Variants in MYO1C observed in about 807,000 individuals in gnomAD.
The protein encoded by MYO1C is myosin IC.
A neutral mutation model predicts 150.8 loss-of-function variants in MYO1C; 104 were observed. That is an observed-to-expected ratio of 0.69 (90% CI 0.59 to 0.81). The LOEUF (loss-of-function observed/expected upper bound fraction) is 0.81, where lower values mean the gene tolerates loss of function less well. Ranked by LOEUF, MYO1C falls within the 30% of genes least tolerant of loss-of-function variation. The probability of loss-of-function intolerance (pLI) is 0.00; values close to 1 mark genes in which losing one functional copy is unlikely to be tolerated. For missense variants in MYO1C, 1,504 were observed against 1,435.0 expected (o/e 1.05, Z -0.78); for synonymous variants, 663 against 579.9 (o/e 1.14, Z -2.06).
At chr17:1,473,328 G>A (rs943018240) in intron 17 of MYO1C, among the ~76,000 whole-genome samples, 2 of 152,160 alleles carry the variant, frequency 1.3e-5, no homozygotes. Flanking sequence ...GGGATCTAGG[G>A]TGCCCTGGGG....
intron 1 of MYO1C, among the ~76,000 whole-genome samples, chr17:1,488,534 C>G (rs180850911): frequency 9.1e-4 from 138 of 152,360 alleles, no homozygotes; most frequent in Admixed American, 8.6e-3. Context: ...CGTATCATCA[C>G]TCCAATGCAG....
chr17:1,486,395 C>T (rs1182703130), intron 1 of MYO1C, among the ~76,000 whole-genome samples: 1 of 152,176 alleles, frequency 6.6e-6, no homozygotes, highest in South Asian at 2.1e-4. Context: ...CTCTGGAGGG[C>T]TCAGTTCCCC....
chr17:1,486,623 T>C (rs1186347135), intron 1 of MYO1C, among the ~76,000 whole-genome samples: 2 of 152,054 alleles, frequency 1.3e-5, no homozygotes, highest in Non-Finnish European at 2.9e-5. Context: ...TCTAGCGATT[T>C]TCCTGTCTCA....
chr17:1,467,720 T>C (rs1351620403), intron 29 of MYO1C, 120 bp downstream of exon 29: 60 of 414,184 alleles, frequency 1.4e-4, no homozygotes, highest in South Asian at 6.5e-4. Flanking sequence ...CCCCCCAATC[T>C]ACCCCCATCC....
chr17:1,475,617 G>A (rs1373914587), intron 14 of MYO1C, among the ~76,000 whole-genome samples: 1 of 152,246 alleles, frequency 6.6e-6, no homozygotes, highest in Non-Finnish European at 1.5e-5. Context: ...CAGAAGGGGT[G>A]GTGAGCTGCG....
At chr17:1,474,779 A>AC in intron 16 of MYO1C, 33 bp downstream of exon 16, 4 of 969,136 alleles carry the variant, frequency 4.1e-6, no homozygotes, top group Admixed American at 1.9e-5. Flanking sequence ...GGCTATCCCC[A>AC]CCCCCACCCC....
At chr17:1,484,087 C>T (rs1389608170) in intron 2 of MYO1C, 61 bp downstream of exon 2, 6 of 1,599,026 alleles carry the variant, frequency 3.8e-6, no homozygotes, top group Admixed American at 1.7e-5. Flanking sequence ...TGTCTCTTTC[C>T]CCTCCGCTTG....
Position 1,482,930 on chromosome 17 carries a change from C to G in MYO1C, c.477G>C (p.Glu159Asp), listed in dbSNP as rs1331056441. The change falls in exon 4 of 32, where the codon GAG (glutamate) becomes GAC (aspartate). Residue 159 changes from glutamate (E) to aspartate (D), a missense_variant. Glu to Asp is a conservative substitution (Grantham distance 45, BLOSUM62 2). Transcript: ENST00000648651. ...ATKRLLQFYA[E>D]TCPAPERGGA... ...CTCCGCGCTCGGGGGCTGGGCAGGT[C>G]TCTGCATAGAACTGCAGCAGCCTCT... The G allele has an allele frequency of 6.3e-7, 1 of 1,583,634 alleles. No individual in the cohort carries two copies. Among genetic ancestry groups the G allele is most frequent in the Admixed American group, 1.7e-5 (1 of 58,340 alleles).
Position 1,485,357 on chromosome 17 carries a change from T to TGGCCGGGGGCGTCACTCAGGGCCC in MYO1C, c.76-1055_76-1054insGGGCCCTGAGTGACGCCCCCGGCC, listed in dbSNP as rs1555523262. 1.3e-3 allele frequency: 1,380 copies of TGGCCGGGGGCGTCACTCAGGGCCC among 1,076,094 alleles called. 6 individuals carry two copies. The highest frequency in any genetic ancestry group is 6.8e-3 in the South Asian group (256 of 37,782). 66.7% of individuals were successfully genotyped at this position (1,076,094 alleles called of 1,614,324 possible). On this transcript the variant is annotated intron_variant, in intron 1 of 31. Coordinates refer to ENST00000648651, the MANE Select transcript of MYO1C (RefSeq NM_001080779.2). ...TCTGACCACGAAAGGCCCAGATTTC[T>TGGCCGGGGGCGTCACTCAGGGCCC]GGCCGGGGGCCTGCCCCTCCCAGGC...
intron 14 of MYO1C, among the ~76,000 whole-genome samples, chr17:1,476,875 G>C (rs2074412077): frequency 6.6e-6 from 1 of 151,548 alleles, no homozygotes; most frequent in Admixed American, 6.6e-5. Context: ...GTCTCACTCT[G>C]TCGCTCAGGC....
chr17:1,472,674 C>G (rs541563969), intron 17 of MYO1C, among the ~76,000 whole-genome samples: 1 of 152,142 alleles, frequency 6.6e-6, no homozygotes, highest in Non-Finnish European at 1.5e-5. Flanking sequence ...CCCGGTGTTC[C>G]GAGAGTAGCA....
At position 1,483,046 on chromosome 17, in the gene MYO1C, C is replaced by A. The variant is rs1457151271; in HGVS notation, c.361G>T (p.Asp121Tyr). 1 of 1,608,070 alleles carries A rather than the reference C, an allele frequency of 6.2e-7. No individual in the cohort carries two copies. Among genetic ancestry groups the A allele is most frequent in the South Asian group, 1.1e-5 (1 of 90,380 alleles). Residue 121 changes from aspartate (D) to tyrosine (Y), a missense_variant, in exon 4 of 32, where the codon GAC (aspartate) becomes TAC (tyrosine). Asp to Tyr is a radical substitution (Grantham distance 160). Transcript: ENST00000648651. ...GTGCGCAGTGCTCGGTACACAGTGT[C>A]CGCCACGGCAAACCTGGGGCGGAGG... ...EVPPHLFAVADTVYRALRTER... is the reference protein window; with the variant it reads ...EVPPHLFAVAYTVYRALRTER...
intron 17 of MYO1C, among the ~76,000 whole-genome samples, chr17:1,473,086 G>A (rs1414807153): frequency 6.6e-6 from 1 of 152,238 alleles, no homozygotes; most frequent in East Asian, 1.9e-4. Context: ...TGTAATCCCA[G>A]CTACTCGTGA....
At chr17:1,484,080 CTCTT>C (rs1331150544) in intron 2 of MYO1C, 64 bp downstream of exon 2, 5 of 1,575,050 alleles carry the variant, frequency 3.2e-6, no homozygotes, top group Non-Finnish European at 4.3e-6. Context: ...CCCTTGGTGT[CTCTT>C]TCCCCTCCGC....
Position 1,479,858 on chromosome 17 carries a change from C to A in MYO1C, c.907-153G>T, listed in dbSNP as rs1021035441. On this transcript the variant is annotated intron_variant, in intron 7 of 31. Coordinates refer to ENST00000648651, the MANE Select transcript of MYO1C (RefSeq NM_001080779.2). This position sits in a 1 kb window ranked among gnomAD's most constrained non-coding sequence, Gnocchi z 4.2. The stretch of plus-strand genomic sequence containing the variant: ...GTGTTAAAGGTGGAAGGTGATTCTG[C>A]GGGTGGGATGGGCACGGTGGCTGAC... 6.6e-6 allele frequency among the ~76,000 whole-genome samples: 1 copy of A among 151,896 alleles called. No individual in the cohort carries two copies. Among genetic ancestry groups the A allele is most frequent in the African/African-American group, 2.4e-5 (1 of 41,366 alleles).
intron 17 of MYO1C, among the ~76,000 whole-genome samples, chr17:1,473,647 G>C (rs1169510987): frequency 6.6e-6 from 1 of 152,118 alleles, no homozygotes; most frequent in Non-Finnish European, 1.5e-5. Flanking sequence ...TCCGCCTTCA[G>C]CTCGCTGGAG....
Position 1,479,408 on chromosome 17 carries a change from C to A in MYO1C, c.1092+23G>T, listed in dbSNP as rs78481682. The A allele has an allele frequency of 5.2e-6, 6 of 1,159,616 alleles. No individual in the cohort carries two copies. The highest frequency in any genetic ancestry group is 7.5e-6 in the Non-Finnish European group (6 of 797,754). The allele number at this position is 1,159,616 out of a possible 1,614,324, so 71.8% of individuals were successfully genotyped here. On this transcript the variant is annotated intron_variant, in intron 9 of 31. Coordinates refer to ENST00000648651, the MANE Select transcript of MYO1C (RefSeq NM_001080779.2). The surrounding 1 kb of genome is among the most constrained non-coding windows in gnomAD (Gnocchi z 4.2). The stretch of plus-strand genomic sequence containing the variant: ...CTTGGAACAGCTGCCCCTCCACACC[C>A]GAGGGCAAGGGCCCGGCCTCACCTC...
chr17:1,466,690 A>G (rs539076717), intron 31 of MYO1C, among the ~76,000 whole-genome samples: 3 of 143,840 alleles, frequency 2.1e-5, no homozygotes, highest in Admixed American at 7.1e-5. Context: ...CAGTGGCATG[A>G]TATCAGCTCA....
At position 1,471,937 on chromosome 17, in the gene MYO1C, T is replaced by C. The variant is rs148318648; in HGVS notation, c.1991A>G (p.Tyr664Cys). ...NLRVRRAGFA[Y>C]RRKYEAFLQR... ...CAGGAAAGCTTCGTATTTGCGGCGA[T>C]AGGCAAAGCCGGCTCTGCGCACGCG... Residue 664 changes from tyrosine to cysteine, a missense_variant, in exon 19 of 32, where the codon TAT (tyrosine) becomes TGT (cysteine). By Grantham distance (194) the Tyr-to-Cys change is radical. Transcript: ENST00000648651. 4.3e-6 allele frequency: 7 copies of C among 1,614,002 alleles called. No homozygotes were observed. In the South Asian group the frequency reaches 5.5e-5, roughly 13 times the overall value.
Sources: allele counts gnomAD v4.1 joint callset (sites outside exome capture counted in the v4.1 genomes callset), GRCh38; gene constraint gnomAD v4.1.1; non-coding constraint Gnocchi (gnomAD v3.1); transcripts MANE v1.5; gene names NCBI Gene and HGNC (gene_info 2026-07-23, HGNC 2026-07-21).